Variants in DENND2B observed in about 807,000 individuals in gnomAD.
DENND2B encodes DENN domain-containing protein 2B.
A neutral mutation model predicts 116.0 loss-of-function variants in DENND2B; 32 were observed. The ratio of observed to expected loss-of-function variants is 0.28; its 90% CI spans 0.21 to 0.37. DENND2B has a LOEUF of 0.37. Among genes scored for constraint, DENND2B ranks in the 10% least tolerant of loss-of-function variants. The pLI, the probability that DENND2B is intolerant of heterozygous loss-of-function variation, is 1.00. For synonymous variants in DENND2B, 588 were observed against 583.9 expected (o/e 1.01, Z -0.10); for missense variants, 1,276 against 1,477.7 (o/e 0.86, Z 2.24).
At chr11:8,895,920 G>A (rs940002858) in intron 1 of DENND2B, among the ~76,000 whole-genome samples, 3 of 151,776 alleles carry the variant, frequency 2.0e-5, no homozygotes, top group Non-Finnish European at 2.9e-5. Context: ...CACCATGACC[G>A]GCCTATTTTA....
intron 1 of DENND2B, among the ~76,000 whole-genome samples, chr11:8,804,399 G>A (rs961070845): frequency 2.0e-5 from 3 of 152,092 alleles, no homozygotes; most frequent in Non-Finnish European, 4.4e-5. Flanking sequence ...GGCAGGAACT[G>A]AACACAAGCA....
At chr11:8,869,830 T>C (rs1379997246) in intron 2 of DENND2B, among the ~76,000 whole-genome samples, 1 of 152,128 alleles carries the variant, frequency 6.6e-6, no homozygotes, top group Non-Finnish European at 1.5e-5. Flanking sequence ...GTGCGGTCCT[T>C]AATTCAGCAA....
chr11:8,864,858 G>T (rs999193546), intron 2 of DENND2B, among the ~76,000 whole-genome samples: 1 of 152,034 alleles, frequency 6.6e-6, no homozygotes, highest in African/African-American at 2.4e-5. Context: ...AGGAAGAATG[G>T]AACAAGACGG....
intron 3 of DENND2B, among the ~76,000 whole-genome samples, chr11:8,726,684 C>A (rs2047134331): frequency 6.6e-6 from 1 of 152,212 alleles, no homozygotes; most frequent in Non-Finnish European, 1.5e-5. Context: ...TGTGATTCCA[C>A]TGGAATTGAG....
At chr11:8,729,287 A>T (rs2047670362) in intron 3 of DENND2B, among the ~76,000 whole-genome samples, 4 of 152,188 alleles carry the variant, frequency 2.6e-5, no homozygotes, top group Admixed American at 6.5e-5. Flanking sequence ...CTCCAGCTCC[A>T]AGTTACCGGG....
intron 4 of DENND2B, among the ~76,000 whole-genome samples, chr11:8,721,580 GC>G (rs2046197932): frequency 1.3e-5 from 2 of 152,146 alleles, no homozygotes; most frequent in African/African-American, 4.8e-5. Context: ...GACAGAAAGG[GC>G]CAGGATAAGA....
At position 8,793,638 on chromosome 11, in the gene DENND2B, C is replaced by T. The variant is rs1240277329; in HGVS notation, c.-26+16879G>A. Among the ~76,000 whole-genome samples, 17 of 152,186 alleles carry T rather than the reference C, an allele frequency of 1.1e-4. No individual in the cohort carries two copies. In the South Asian group the frequency reaches 3.3e-3, roughly 30 times the overall value. ...AGTCAGTGAACATTTGGGTTGTTTC[C>T]ACCTTCTCGCTGCTGTGAATAATGC... On this transcript the variant is annotated intron_variant, in intron 1 of 19. Transcript: ENST00000313726.
At chr11:8,858,728 G>A (rs574867982) in intron 2 of DENND2B, among the ~76,000 whole-genome samples, 1 of 152,218 alleles carries the variant, frequency 6.6e-6, no homozygotes, top group East Asian at 1.9e-4. Flanking sequence ...GACCAGCTGA[G>A]GATGGCTATT....
At chr11:8,808,074 GCC>G (rs1176884744) in intron 1 of DENND2B, 2 of 152,318 alleles carry the variant, frequency 1.3e-5, no homozygotes, top group Non-Finnish European at 2.9e-5. Flanking sequence ...AAGAATCTCT[GCC>G]CTTGGAATTC....
intron 4 of DENND2B, among the ~76,000 whole-genome samples, chr11:8,818,315 C>CT (rs1313637816): frequency 7.3e-5 from 11 of 151,560 alleles, no homozygotes; most frequent in Admixed American, 7.2e-4. Context: ...GCTCAGAACT[C>CT]TGAGTTCAAC....
At chr11:8,779,494 TTTTCTTTC>T (rs577755839) in intron 1 of DENND2B, among the ~76,000 whole-genome samples, 9 of 142,764 alleles carry the variant, frequency 6.3e-5, no homozygotes, top group African/African-American at 2.3e-4. Flanking sequence ...TTTTTCTTTC[TTTTCTTTC>T]TTTCTTTCTT....
At chr11:8,778,001 C>A (rs2057930784) in intron 1 of DENND2B, among the ~76,000 whole-genome samples, 1 of 152,194 alleles carries the variant, frequency 6.6e-6, no homozygotes, top group African/African-American at 2.4e-5. Context: ...AAGCTCACAT[C>A]CTTCAGGAGC....
chr11:8,849,318 C>G (rs377218845), intron 3 of DENND2B, among the ~76,000 whole-genome samples: 4 of 150,800 alleles, frequency 2.7e-5, no homozygotes, highest in African/African-American at 9.8e-5. Context: ...CGTGGTGAAA[C>G]CCCGTCTCTA....
intron 2 of DENND2B, among the ~76,000 whole-genome samples, chr11:8,749,554 G>GAC (rs1355617953): frequency 6.6e-6 from 1 of 152,186 alleles, no homozygotes; most frequent in Admixed American, 6.5e-5. Context: ...CCTCCTTCAT[G>GAC]ACAGTCACTC....
chr11:8,791,691 TG>T (rs2059392838), intron 1 of DENND2B, among the ~76,000 whole-genome samples: 1 of 151,008 alleles, frequency 6.6e-6, no homozygotes, highest in Non-Finnish European at 1.5e-5. Context: ...CATTTGAACC[TG>T]GGAGGAGGAG....
At chr11:8,798,623 A>G (rs1283789914) in intron 1 of DENND2B, among the ~76,000 whole-genome samples, 1 of 152,094 alleles carries the variant, frequency 6.6e-6, no homozygotes, top group African/African-American at 2.4e-5. Flanking sequence ...TTTTCAGATG[A>G]AAAGAAGTCT....
upstream of DENND2B, chr11:8,810,806 G>GTCTCTCTCTCTCTCTCTCTCTCTCTCTC (rs34550908): frequency 4.3e-5 from 6 of 140,316 alleles, no homozygotes; most frequent in African/African-American, 1.7e-4. Context: ...CTTTCTCACT[G>GTCTCTCTCTCTCTCTCTCTCTCTCTCTC]TCTCTCTCTC....
At chr11:8,749,281 G>T (rs2134035813) in intron 2 of DENND2B, among the ~76,000 whole-genome samples, 1 of 152,308 alleles carries the variant, frequency 6.6e-6, no homozygotes, top group Middle Eastern at 3.4e-3. Flanking sequence ...CTTTGCCCAA[G>T]AAGCTGTTCC....
intron 10 of DENND2B, 71 bp from the exon 11 acceptor site, chr11:8,710,985 C>T (rs773685900): frequency 8.8e-6 from 14 of 1,590,150 alleles, no homozygotes; most frequent in African/African-American, 2.7e-5. Context: ...AGAATAGGGA[C>T]CGTCATTTTC....
Sources: gnomAD v4.1 joint callset for allele counts (sites outside exome capture counted in the v4.1 genomes callset) on GRCh38, gnomAD v4.1.1 for gene constraint, MANE v1.5 for transcripts, NCBI Gene and HGNC (gene_info 2026-07-23, HGNC 2026-07-21) for gene names.